VEPH1: variants seen among roughly 807,000 people sequenced by gnomAD.
The protein encoded by VEPH1 is ventricular zone-expressed PH domain-containing protein homolog 1.
Under a neutral mutation model 85.2 loss-of-function variants are expected in VEPH1, and 80 were observed. The observed-to-expected ratio is 0.94, with a 90% CI of 0.78 to 1.13. VEPH1 has a LOEUF of 1.13. VEPH1 is among the 50% of genes most tolerant of loss of function. VEPH1 has a pLI of 0.00. For missense variants in VEPH1, 955 were observed against 980.5 expected, an observed-to-expected ratio of 0.97 and a Z score of 0.35; for synonymous variants, 297 against 348.0, an observed-to-expected ratio of 0.85 and a Z score of 1.63.
chr3:157,435,797 T>C (rs1012138177), intron 4 of VEPH1, among the ~76,000 whole-genome samples: 1 of 152,256 alleles, frequency 6.6e-6, no homozygotes, highest in Non-Finnish European at 1.5e-5. Flanking sequence ...CTGTATATAT[T>C]GTTAGAAGCA....
intron 9 of VEPH1, among the ~76,000 whole-genome samples, chr3:157,342,884 C>A (rs1723746533): frequency 6.6e-6 from 1 of 152,128 alleles, no homozygotes; most frequent in Non-Finnish European, 1.5e-5. Flanking sequence ...CACTAAAAAC[C>A]ACTCAACTTC....
chr3:157,443,111 T>A, intron 4 of VEPH1: 1 of 1,112,534 alleles, frequency 9.0e-7, no homozygotes, highest in Non-Finnish European at 1.3e-6. Flanking sequence ...GAGACCAATC[T>A]TTATTTGTAC....
chr3:157,397,077 A>G (rs1449665390), intron 6 of VEPH1, among the ~76,000 whole-genome samples: 3 of 152,162 alleles, frequency 2.0e-5, no homozygotes, highest in Admixed American at 6.5e-5. Flanking sequence ...TGGGTTTTAC[A>G]TTTAAGTCTT....
At chr3:157,424,401 G>C (rs1019886316) in intron 5 of VEPH1, among the ~76,000 whole-genome samples, 1 of 152,168 alleles carries the variant, frequency 6.6e-6, no homozygotes, top group African/African-American at 2.4e-5. Context: ...GTGGGGCGTT[G>C]CTGAAAAGAT....
chr3:157,435,634 A>G (rs1733509104), intron 4 of VEPH1, among the ~76,000 whole-genome samples: 1 of 151,922 alleles, frequency 6.6e-6, no homozygotes, highest in Non-Finnish European at 1.5e-5. Context: ...CCCCTATCTC[A>G]CTTCACTCCT....
intron 4 of VEPH1, among the ~76,000 whole-genome samples, chr3:157,444,116 A>G (rs1244934271): frequency 6.6e-6 from 1 of 152,176 alleles, no homozygotes; most frequent in East Asian, 1.9e-4. Context: ...ACTTTTCCCC[A>G]CCACACTAGT....
intron 1 of VEPH1, among the ~76,000 whole-genome samples, chr3:157,495,928 C>T (rs1156682593): frequency 6.6e-6 from 1 of 152,144 alleles, no homozygotes; most frequent in East Asian, 1.9e-4. Context: ...TTCCTTGAAC[C>T]CTTTCTTCCA....
At chr3:157,349,233 C>T (rs1724576240) in intron 9 of VEPH1, among the ~76,000 whole-genome samples, 1 of 152,064 alleles carries the variant, frequency 6.6e-6, no homozygotes, top group Non-Finnish European at 1.5e-5. Flanking sequence ...TCAATATATG[C>T]AAATCAATAA....
At chr3:157,264,430 C>T (rs913372922) in intron 13 of VEPH1, among the ~76,000 whole-genome samples, 1 of 152,184 alleles carries the variant, frequency 6.6e-6, no homozygotes, top group Non-Finnish European at 1.5e-5. Flanking sequence ...TGAGCCAATT[C>T]CCATAGTAAA....
At chr3:157,431,881 A>G (rs1292886479) in intron 4 of VEPH1, among the ~76,000 whole-genome samples, 1 of 151,498 alleles carries the variant, frequency 6.6e-6, no homozygotes, top group African/African-American at 2.4e-5. Flanking sequence ...GGAGTCTCAC[A>G]CTGTTGTCTG....
intron 6 of VEPH1, among the ~76,000 whole-genome samples, chr3:157,412,157 C>T (rs1054571878): frequency 6.6e-6 from 1 of 152,154 alleles, no homozygotes; most frequent in Non-Finnish European, 1.5e-5. Flanking sequence ...CAGATGCCAG[C>T]ATCATGCTTC....
At chr3:157,488,909 G>A (rs1316485764) in intron 2 of VEPH1, 4 of 113,604 alleles carry the variant, frequency 3.5e-5, no homozygotes, top group East Asian at 2.7e-4. Flanking sequence ...TCTTAAGTTC[G>A]TTCTCTCTCT....
chr3:157,478,378 G>C (rs146229776), intron 2 of VEPH1, among the ~76,000 whole-genome samples: 34 of 152,078 alleles, frequency 2.2e-4, no homozygotes, highest in Non-Finnish European at 4.4e-4. Flanking sequence ...TAAATGTTCT[G>C]CATGGTAATC....
intron 11 of VEPH1, among the ~76,000 whole-genome samples, chr3:157,304,018 A>ATTT (rs373193825): frequency 0.11 from 6,961 of 64,902 alleles, 642 homozygotes; most frequent in South Asian, 0.3. Flanking sequence ...CTCATCTTAT[A>ATTT]TTTTTTATAT....
chr3:157,265,229 A>G (rs548457565), intron 13 of VEPH1, among the ~76,000 whole-genome samples: 61 of 152,334 alleles, frequency 4.0e-4, no homozygotes, highest in African/African-American at 1.3e-3. Context: ...AAATTTGTGT[A>G]CGTGGTCCAC....
At position 157,324,901 on chromosome 3, in the gene VEPH1, A is replaced by G. The variant is rs1467181501; in HGVS notation, c.1736-7700T>C. On this transcript the variant is annotated intron_variant, in intron 9 of 13. Coordinates refer to ENST00000362010, the MANE Select transcript of VEPH1 (RefSeq NM_001167912.2). The stretch of plus-strand genomic sequence containing the variant: ...TGGTATTTCTGCCTCTAGGTCTTTG[A>G]GGAATTGCCACACTGTCTTCCACAA... Among the ~76,000 whole-genome samples, 3 of 152,240 alleles carry G rather than the reference A, an allele frequency of 2.0e-5. No homozygotes were observed. In the East Asian group the frequency reaches 5.8e-4, roughly 29 times the overall value.
At position 157,462,209 on chromosome 3, in the gene VEPH1, T is replaced by C. The variant is rs144362457; in HGVS notation, c.355-1854A>G. 4.0e-5 allele frequency among the ~76,000 whole-genome samples: 6 copies of C among 151,868 alleles called. No individual in the cohort carries two copies. The East Asian group carries it at 1.2e-3, about 29-fold the overall frequency. On this transcript the variant is annotated intron_variant, in intron 3 of 13. Transcript: ENST00000362010. ...AATAAAGCTCCAAAACATGAAAATATGCTCAATTTCATTAATTTTTAATTT... is the reference window on the plus strand; with the variant it reads ...AATAAAGCTCCAAAACATGAAAATACGCTCAATTTCATTAATTTTTAATTT...
At chr3:157,492,739 C>G (rs1016931505) in intron 2 of VEPH1, among the ~76,000 whole-genome samples, 1 of 152,096 alleles carries the variant, frequency 6.6e-6, no homozygotes, top group Non-Finnish European at 1.5e-5. Context: ...TGAAAATGCT[C>G]TCTCTTTGTC....
intron 6 of VEPH1, among the ~76,000 whole-genome samples, chr3:157,410,654 A>T (rs1731462666): frequency 6.6e-6 from 1 of 152,192 alleles, no homozygotes; most frequent in Non-Finnish European, 1.5e-5. Context: ...TATGGCTAAA[A>T]TAACTTTCTT....
Sources: allele counts gnomAD v4.1 joint callset (sites outside exome capture counted in the v4.1 genomes callset), GRCh38; gene constraint gnomAD v4.1.1; transcripts MANE v1.5; gene names NCBI Gene and HGNC (gene_info 2026-07-23, HGNC 2026-07-21).